ZFPM2: variants seen among roughly 807,000 people sequenced by gnomAD.
ZFPM2 encodes zinc finger protein ZFPM2.
Under a neutral mutation model 98.6 loss-of-function variants are expected in ZFPM2, and 20 were observed. That is an observed-to-expected ratio of 0.20 (90% CI 0.14 to 0.29). The LOEUF is 0.29. Among genes scored for constraint, ZFPM2 ranks in the 10% least tolerant of loss-of-function variants. ZFPM2 has a pLI of 1.00. For synonymous variants in ZFPM2, 518 were observed against 502.7 expected, an observed-to-expected ratio of 1.03 and a Z score of -0.41; for missense variants, 1,310 against 1,388.6, an observed-to-expected ratio of 0.94 and a Z score of 0.90.
chr8:105,549,805 T>C (rs1814808642), intron 3 of ZFPM2, among the ~76,000 whole-genome samples: 1 of 151,640 alleles, frequency 6.6e-6, no homozygotes. Flanking sequence ...TGTAGAGATA[T>C]GGTCTCACTA....
chr8:105,744,205 T>C (rs1338494396), intron 5 of ZFPM2, among the ~76,000 whole-genome samples: 1 of 152,108 alleles, frequency 6.6e-6, no homozygotes, highest in Non-Finnish European at 1.5e-5. Flanking sequence ...CTCTCAACTC[T>C]TTATCATTCT....
chr8:105,576,509 T>A (rs1169401422), intron 4 of ZFPM2, among the ~76,000 whole-genome samples: 2 of 152,158 alleles, frequency 1.3e-5, no homozygotes, highest in East Asian at 3.9e-4. Context: ...TTAACGTTCT[T>A]GTTTTGGTGA....
intron 4 of ZFPM2, among the ~76,000 whole-genome samples, chr8:105,597,844 C>T (rs938891510): frequency 2.6e-5 from 4 of 151,808 alleles, no homozygotes; most frequent in South Asian, 2.1e-4. Flanking sequence ...CTAATAGTAC[C>T]GCTGCACTAT....
chr8:105,626,933 T>A (rs1816668966), intron 4 of ZFPM2, among the ~76,000 whole-genome samples: 1 of 152,068 alleles, frequency 6.6e-6, no homozygotes, highest in South Asian at 2.1e-4. Flanking sequence ...CAAATAACAC[T>A]TCTGTTAAAT....
At chr8:105,557,803 A>G (rs1815032853) in intron 3 of ZFPM2, among the ~76,000 whole-genome samples, 1 of 152,196 alleles carries the variant, frequency 6.6e-6, no homozygotes, top group African/African-American at 2.4e-5. Flanking sequence ...AGAATATCTA[A>G]TCTTTTCAAG....
chr8:105,365,849 G>A (rs1231956166), intron 1 of ZFPM2, among the ~76,000 whole-genome samples: 2 of 152,062 alleles, frequency 1.3e-5, no homozygotes, highest in African/African-American at 4.8e-5. Context: ...TGCAAACGTA[G>A]GCACTTTTCT....
intron 5 of ZFPM2, among the ~76,000 whole-genome samples, chr8:105,636,766 T>C (rs1407143429): frequency 2.6e-5 from 4 of 152,204 alleles, no homozygotes; most frequent in Non-Finnish European, 5.9e-5. Context: ...ACTGTATGAA[T>C]TGCTGCTATT....
At chr8:105,347,026 A>C (rs554675613) in intron 1 of ZFPM2, among the ~76,000 whole-genome samples, 9 of 152,322 alleles carry the variant, frequency 5.9e-5, no homozygotes, top group Non-Finnish European at 1.3e-4. Flanking sequence ...CAGCACAGAT[A>C]GATTTAAAGA....
Position 105,801,292 on chromosome 8 carries a change from A to G in ZFPM2, c.1210A>G (p.Thr404Ala). The G allele has an allele frequency of 6.2e-7, 1 of 1,613,948 alleles. No individual in the cohort carries two copies. The highest frequency in any genetic ancestry group is 2.2e-5 in the East Asian group (1 of 44,856). The change falls in exon 8 of 8, where the codon ACT becomes GCT. Residue 404 changes from threonine (T) to alanine (A), a missense_variant. By Grantham distance (58) the Thr-to-Ala change is moderately conservative. Coordinates refer to ENST00000407775, the MANE Select transcript of ZFPM2 (RefSeq NM_012082.4). Reference sequence around the variant, plus strand: ...TGACATGGAACACTCTCCAAGTGCAACTGAAGACAGCTTACAGCCAGCCAC... The same window carrying G: ...TGACATGGAACACTCTCCAAGTGCAGCTGAAGACAGCTTACAGCCAGCCAC... Reference protein sequence around the residue: ...ESDMEHSPSATEDSLQPATDL... With the variant: ...ESDMEHSPSAAEDSLQPATDL...
chr8:105,643,235 A>G (rs1310999065), intron 5 of ZFPM2, among the ~76,000 whole-genome samples: 3 of 152,180 alleles, frequency 2.0e-5, no homozygotes, highest in Non-Finnish European at 4.4e-5. Context: ...GTAGTAAACC[A>G]TCTGCCTTAC....
rs116261698 is a variant in ZFPM2 at position 105,718,647 on chromosome 8, G to T, written c.533-70071G>T. ...GGTGTTAATAAATATGACACAATAC[G>T]CATTTTTTTTTCTTTTTAAACACAT... On this transcript the variant is annotated intron_variant, in intron 5 of 7. Coordinates refer to ENST00000407775, the MANE Select transcript of ZFPM2 (RefSeq NM_012082.4). Among the ~76,000 whole-genome samples the T allele has an allele frequency of 7.9e-3, 1,198 of 151,752 alleles. 17 individuals carry two copies. The highest frequency in any genetic ancestry group is 0.027 in the African/African-American group (1,128 of 41,382).
At chr8:105,403,082 T>C (rs1811371973) in intron 1 of ZFPM2, among the ~76,000 whole-genome samples, 1 of 152,038 alleles carries the variant, frequency 6.6e-6, no homozygotes, top group South Asian at 2.1e-4. Context: ...GATAGAAAGA[T>C]GATTCTTTAC....
intron 5 of ZFPM2, among the ~76,000 whole-genome samples, chr8:105,761,034 T>A (rs918654926): frequency 6.6e-6 from 1 of 151,986 alleles, no homozygotes; most frequent in African/African-American, 2.4e-5. Flanking sequence ...CAAGTTATAA[T>A]AGAACACACA....
At chr8:105,410,013 A>G (rs909488395) in intron 1 of ZFPM2, among the ~76,000 whole-genome samples, 4 of 151,910 alleles carry the variant, frequency 2.6e-5, no homozygotes, top group Admixed American at 6.6e-5. Context: ...TGTTTTATCA[A>G]TAATTAATTG....
chr8:105,644,297 TAA>T (rs58170875), intron 5 of ZFPM2, among the ~76,000 whole-genome samples: 1 of 145,514 alleles, frequency 6.9e-6, no homozygotes, highest in Non-Finnish European at 1.5e-5. Context: ...TTTTTTTTTT[TAA>T]AAAAAAAACA....
At chr8:105,469,488 G>C (rs1812856888) in intron 3 of ZFPM2, among the ~76,000 whole-genome samples, 1 of 151,986 alleles carries the variant, frequency 6.6e-6, no homozygotes, top group African/African-American at 2.4e-5. Flanking sequence ...TCTCCAGCTG[G>C]TGTACTCATT....
At chr8:105,598,152 T>C (rs1816012793) in intron 4 of ZFPM2, among the ~76,000 whole-genome samples, 1 of 151,710 alleles carries the variant, frequency 6.6e-6, no homozygotes, top group Non-Finnish European at 1.5e-5. Flanking sequence ...GCTGTGTTCT[T>C]CTGGTGTTCT....
At position 105,422,009 on chromosome 8, in the gene ZFPM2, C is replaced by T. The variant is rs1165431832; in HGVS notation, c.199+2707C>T. Among the ~76,000 whole-genome samples, 12 of 140,364 alleles carry T rather than the reference C, an allele frequency of 8.5e-5. No homozygotes were observed. In the South Asian group the frequency reaches 1.6e-3, roughly 18 times the overall value. The allele number at this position is 140,364 out of a possible 152,430, so 92.1% of individuals were successfully genotyped here. On this transcript the variant is annotated intron_variant, in intron 2 of 7. Transcript: ENST00000407775. Reference sequence around the variant, plus strand: ...TTGCAGTGAGTTGAGATCGCACCACCGCACTCTAGCCTGTGCGACGGGAGC... The same window carrying T: ...TTGCAGTGAGTTGAGATCGCACCACTGCACTCTAGCCTGTGCGACGGGAGC...
intron 5 of ZFPM2, among the ~76,000 whole-genome samples, chr8:105,713,669 C>G (rs1420705959): frequency 6.6e-6 from 1 of 151,948 alleles, no homozygotes; most frequent in East Asian, 1.9e-4. Flanking sequence ...GGCATCCAGG[C>G]TGCATATGCT....
Sources: gnomAD v4.1 joint callset for allele counts (sites outside exome capture counted in the v4.1 genomes callset) on GRCh38, gnomAD v4.1.1 for gene constraint, MANE v1.5 for transcripts, NCBI Gene and HGNC (gene_info 2026-07-23, HGNC 2026-07-21) for gene names.